Variants in NF1 observed in about 807,000 individuals in gnomAD.
The protein encoded by NF1 is neurofibromin 1, also known as neurofibromin.
NF1 carries 122 observed loss-of-function variants against 325.7 expected under a neutral mutation model. That is an observed-to-expected ratio of 0.37 (90% CI 0.32 to 0.44). NF1 has a LOEUF of 0.44. NF1 is among the 20% of genes least tolerant of loss of function. The pLI is 1.00. For synonymous variants in NF1, 1,091 were observed against 1,186.0 expected (o/e 0.92, Z 1.65); for missense variants, 2,140 against 3,415.4 (o/e 0.63, Z 9.31).
chr17:31,166,231 A>T (rs778514917), intron 4 of NF1, among the ~76,000 whole-genome samples: 1 of 152,182 alleles, frequency 6.6e-6, no homozygotes, highest in Non-Finnish European at 1.5e-5. Context: ...ATTTGGTTCC[A>T]TACAAATCTG....
rs34969414 is a variant in NF1, at chr17:31,096,131, T to TCCC, written c.60+770_60+772dup. Among the ~76,000 whole-genome samples the TCCC allele has an allele frequency of 6.8e-4, 95 of 140,448 alleles. 1 individual carries two copies. Among genetic ancestry groups the TCCC allele is most frequent in the African/African-American group, 2.5e-3 (91 of 36,682 alleles). The allele number at this position is 140,448 out of a possible 152,430, so 92.1% of individuals were successfully genotyped here. On this transcript the variant is annotated intron_variant, in intron 1 of 57. Coordinates refer to ENST00000358273, the MANE Select transcript of NF1 (RefSeq NM_001042492.3). ...CCCTTCCTTGATAATTGCAGTCTCTTCCCCCCCCCCTTTTTTTTTTGCCAG... is the reference window on the plus strand; with the variant it reads ...CCCTTCCTTGATAATTGCAGTCTCTTCCCCCCCCCCCCCTTTTTTTTTTGCCAG...
At chr17:31,259,264 T>C (rs1567862424) in intron 33 of NF1, 135 bp downstream of exon 33, 2 of 590,390 alleles carry the variant, frequency 3.4e-6, no homozygotes, top group East Asian at 5.7e-5. Flanking sequence ...AAGACATAGC[T>C]TGTCTTATTT....
At position 31,280,341 on chromosome 17, in the gene NF1, C is replaced by T. The variant is rs138130032; in HGVS notation, c.4835+15002C>T. On this transcript the variant is annotated intron_variant, in intron 36 of 57. Coordinates refer to ENST00000358273, the MANE Select transcript of NF1 (RefSeq NM_001042492.3). ...CAGCCTGGCCAACATGGTGAAAACC[C>T]GTCTCTACTAAAGATAAATTAGCTG... 7.1e-4 allele frequency among the ~76,000 whole-genome samples: 108 copies of T among 151,084 alleles called. 1 individual carries two copies. The East Asian group carries it at 0.015, about 21-fold the overall frequency.
At chr17:31,238,413 C>T (rs186754290) in intron 29 of NF1, among the ~76,000 whole-genome samples, 1 of 152,182 alleles carries the variant, frequency 6.6e-6, no homozygotes, top group East Asian at 1.9e-4. Flanking sequence ...CCCCCTCTAG[C>T]GTTTCTGTAA....
At chr17:31,170,562 C>G (rs928252630) in intron 5 of NF1, among the ~76,000 whole-genome samples, 1 of 152,124 alleles carries the variant, frequency 6.6e-6, no homozygotes, top group African/African-American at 2.4e-5. Flanking sequence ...AGTAGTAGTT[C>G]CACATGGGGA....
At chr17:31,127,032 G>T (rs1914940611) in intron 1 of NF1, among the ~76,000 whole-genome samples, 1 of 151,982 alleles carries the variant, frequency 6.6e-6, no homozygotes, top group African/African-American at 2.4e-5. Flanking sequence ...GATTGTTCCA[G>T]CCTATTTATT....
In NF1 at chr17:31,336,198, ATAAAATC is replaced by A. The variant is rs1465193730; in HGVS notation, c.6007-132_6007-126del. 1.2e-6 allele frequency: 1 copy of A among 851,156 alleles called. No homozygotes were observed. The highest frequency in any genetic ancestry group is 1.9e-6 in the Non-Finnish European group (1 of 537,194). 52.7% of individuals were successfully genotyped at this position (851,156 alleles called of 1,614,324 possible). On this transcript the variant is annotated intron_variant, in intron 40 of 57. Coordinates refer to ENST00000358273, the MANE Select transcript of NF1 (RefSeq NM_001042492.3). This position sits in a 1 kb window ranked among gnomAD's most constrained non-coding sequence, Gnocchi z 5.5. ...ATTGTATTTACTGACAGGCCTGTAA[ATAAAATC>A]TAGTATTTTTGAGGCCTCAGGTAAA...
At chr17:31,249,949 T>C (rs1351749334) in intron 30 of NF1, 4 of 488,464 alleles carry the variant, frequency 8.2e-6, no homozygotes, top group Non-Finnish European at 1.6e-5. Flanking sequence ...GTCTCTCTCT[T>C]TGCAGAGTCA....
chr17:31,148,933 G>C (rs1325052534), intron 1 of NF1, among the ~76,000 whole-genome samples: 1 of 151,920 alleles, frequency 6.6e-6, no homozygotes, highest in African/African-American at 2.4e-5. Context: ...ATAGAATATG[G>C]ATTCTATCCT....
chr17:31,338,896 T>TTCA (rs2069750566), intron 46 of NF1, 91 bp downstream of exon 46: 10 of 873,982 alleles, frequency 1.1e-5, no homozygotes, highest in Non-Finnish European at 1.5e-5. Context: ...TAAGATGAAT[T>TTCA]GAGAATAAGT....
intron 51 of NF1, among the ~76,000 whole-genome samples, chr17:31,354,327 G>A (rs2070220434): frequency 6.6e-6 from 1 of 152,108 alleles, no homozygotes; most frequent in South Asian, 2.1e-4. Flanking sequence ...CAAAATAGCA[G>A]GATAAGTAGG....
At chr17:31,247,765 A>G (rs955946921) in intron 29 of NF1, among the ~76,000 whole-genome samples, 1 of 152,232 alleles carries the variant, frequency 6.6e-6, no homozygotes, top group African/African-American at 2.4e-5. Context: ...TAATTAGAGA[A>G]TAGATAAATC....
Position 31,170,119 on chromosome 17 carries a change from T to G in NF1, c.586+122T>G, listed in dbSNP as rs1465153908. ...CCAAACTGGATTTTATAATGACATTTCCTTGTGAAATAACCAGTAATACAA... is the reference window on the plus strand; with the variant it reads ...CCAAACTGGATTTTATAATGACATTGCCTTGTGAAATAACCAGTAATACAA... On this transcript the variant is annotated intron_variant, in intron 5 of 57. Transcript: ENST00000358273. 2.9e-6 allele frequency: 2 copies of G among 686,476 alleles called. 1 individual carries two copies. The highest frequency in any genetic ancestry group is 5.1e-6 in the Non-Finnish European group (2 of 389,468). 42.5% of individuals were successfully genotyped at this position (686,476 alleles called of 1,614,324 possible). A position where few individuals can be genotyped will look rare whatever the true frequency, so the allele number is the denominator to read the frequency against.
rs187963294 is a variant in NF1 at position 31,262,936 on chromosome 17, A to G, written c.4724+1079A>G. On this transcript the variant is annotated intron_variant, in intron 35 of 57. Transcript: ENST00000358273. The stretch of plus-strand genomic sequence containing the variant: ...GGTGGCTAATACCTATAACCCCAAC[A>G]TTTTGAGAGGCCAAGGTGAGAGAAT... Among the ~76,000 whole-genome samples, 4 of 152,286 alleles carry G rather than the reference A, an allele frequency of 2.6e-5. No homozygotes were observed. The East Asian group carries it at 7.7e-4, about 29-fold the overall frequency.
intron 8 of NF1, among the ~76,000 whole-genome samples, chr17:31,198,653 C>T (rs564244200): frequency 1.3e-5 from 2 of 151,882 alleles, no homozygotes; most frequent in South Asian, 2.1e-4. Flanking sequence ...CTTGCTCTTT[C>T]GCACAGGCTG....
intron 1 of NF1, among the ~76,000 whole-genome samples, chr17:31,115,802 G>T (rs1913852253): frequency 6.6e-6 from 1 of 152,198 alleles, no homozygotes; most frequent in Non-Finnish European, 1.5e-5. Flanking sequence ...CAGAAGCACT[G>T]TAGGCAGGGA....
chr17:31,242,767 G>A (rs574402482), intron 29 of NF1, among the ~76,000 whole-genome samples: 73 of 152,200 alleles, frequency 4.8e-4, no homozygotes, highest in Non-Finnish European at 8.2e-4. Context: ...GTCACATATC[G>A]CTGTCTCTCC....
At chr17:31,279,589 T>TAA (rs774250064) in intron 36 of NF1, among the ~76,000 whole-genome samples, 5 of 136,026 alleles carry the variant, frequency 3.7e-5, no homozygotes, top group African/African-American at 5.4e-5. Flanking sequence ...CCAGCCTCTT[T>TAA]AAAAAAAAAA....
intron 52 of NF1, 138 bp downstream of exon 52, chr17:31,356,720 C>T: frequency 1.6e-6 from 2 of 1,287,356 alleles, no homozygotes; most frequent in Non-Finnish European, 2.2e-6. Context: ...AAGATAAACT[C>T]TACCATTCAA....
Sources: gnomAD v4.1 joint callset for allele counts (sites outside exome capture counted in the v4.1 genomes callset) on GRCh38, gnomAD v4.1.1 for gene constraint, Gnocchi (gnomAD v3.1) non-coding constraint, MANE v1.5 for transcripts, NCBI Gene and HGNC (gene_info 2026-07-23, HGNC 2026-07-21) for gene names.